The following FAM200B variants were observed in gnomAD, a reference collection of about 807,000 sequenced individuals.
FAM200B encodes the protein zinc finger BED-type containing 11.
A neutral mutation model predicts 33.1 loss-of-function variants in FAM200B; 32 were observed. The ratio of observed to expected loss-of-function variants is 0.97; its 90% CI spans 0.73 to 1.30. The LOEUF is 1.30. FAM200B is among the 50% of genes most tolerant of loss of function. The pLI is 0.00. For synonymous variants in FAM200B, 240 were observed against 264.8 expected (o/e 0.91, Z 0.91); for missense variants, 741 against 754.0 (o/e 0.98, Z 0.20).
rs1185280744 is a variant in FAM200B at position 15,687,983 on chromosome 4, A to G, written c.1006A>G (p.Arg336Gly). The change falls in exon 2 of 2, where the codon AGA becomes GGA. Residue 336 changes from arginine to glycine, a missense_variant. By Grantham distance (125) the Arg-to-Gly change is moderately radical. Transcript: ENST00000422728. ...CFIHREGLASREIPQNLMEVL... is the reference protein window; with the variant it reads ...CFIHREGLASGEIPQNLMEVL... ...TATACATCGTGAAGGTTTAGCATCC[A>G]GAGAAATTCCACAGAATCTCATGGA... is the stretch of plus-strand genomic sequence containing the variant. 1.9e-6 allele frequency: 3 copies of G among 1,551,294 alleles called. No individual in the cohort carries two copies. In the Admixed American group the frequency reaches 5.9e-5, roughly 30 times the overall value.
chr4:15,646,297 A>G, the FAM200B span, among the ~76,000 whole-genome samples: 2 of 152,152 alleles, frequency 1.3e-5, no homozygotes, highest in Non-Finnish European at 2.9e-5. Flanking sequence ...TAAAAATGTA[A>G]AAGTGATGCT....
chr4:15,674,209 T>C, the FAM200B span, among the ~76,000 whole-genome samples: 1 of 152,020 alleles, frequency 6.6e-6, no homozygotes, highest in African/African-American at 2.4e-5. Context: ...ATCGTGTTTT[T>C]TTTTTTTTTT....
the FAM200B span, among the ~76,000 whole-genome samples, chr4:15,647,243 A>AC: frequency 7.6e-6 from 1 of 131,042 alleles, no homozygotes; most frequent in Non-Finnish European, 1.6e-5. Flanking sequence ...AAAAAAAAAA[A>AC]GAAAGAAAAT....
At chr4:15,637,198 C>A in the FAM200B span, among the ~76,000 whole-genome samples, 41 of 152,266 alleles carry the variant, frequency 2.7e-4, 1 homozygote, top group Non-Finnish European at 4.7e-4. Flanking sequence ...ATCTGACTGC[C>A]TTAACCTAGA....
chr4:15,652,802 A>G, the FAM200B span, among the ~76,000 whole-genome samples: 2 of 152,330 alleles, frequency 1.3e-5, no homozygotes, highest in East Asian at 3.9e-4. Context: ...TCAGAGCCCA[A>G]ATTTGTACAG....
chr4:15,655,531 T>A, the FAM200B span: 1 of 269,516 alleles, frequency 3.7e-6, no homozygotes, highest in Non-Finnish European at 5.7e-6. Context: ...ACTCTTTTCG[T>A]TTTTTGTCGT....
At chr4:15,646,800 GT>G in the FAM200B span, among the ~76,000 whole-genome samples, 2 of 150,546 alleles carry the variant, frequency 1.3e-5, no homozygotes, top group East Asian at 2.0e-4. Context: ...GCGGTGTTTG[GT>G]TTTTTTGTCC....
At chr4:15,641,513 C>A in the FAM200B span, 1 of 384,170 alleles carries the variant, frequency 2.6e-6, no homozygotes, top group African/African-American at 2.4e-5. Flanking sequence ...ACATTCTTTT[C>A]TCTAGCTTAC....
At chr4:15,680,604 A>G (rs1718194935), upstream of FAM200B, among the ~76,000 whole-genome samples, 1 of 152,062 alleles carries the variant, frequency 6.6e-6, no homozygotes, top group Admixed American at 6.6e-5. Flanking sequence ...TTGAACCAGG[A>G]GGCTGAGGTT....
chr4:15,646,720 G>A, the FAM200B span, among the ~76,000 whole-genome samples: 5 of 100,390 alleles, frequency 5.0e-5, no homozygotes, highest in East Asian at 5.4e-4. Flanking sequence ...AACAGGCCCC[G>A]GTGTGTGATG....
chr4:15,687,451 A>G lies in FAM200B; in HGVS notation c.474A>G (p.Ala158=). The change falls in exon 2 of 2, where the codon GCA becomes GCG. Residue 158 remains alanine, a synonymous_variant. Transcript: ENST00000422728. ...CATATTTAGTTGCATATCGTGTGGCAAAAGAGAAAATAGCTAACACAGCTG... is the reference window on the plus strand; with the variant it reads ...CATATTTAGTTGCATATCGTGTGGCGAAAGAGAAAATAGCTAACACAGCTG... ...LSSYLVAYRV[A]KEKIANTAAE... The G allele has an allele frequency of 1.9e-6, 3 of 1,551,192 alleles. No homozygotes were observed. The highest frequency in any genetic ancestry group is 2.6e-6 in the Non-Finnish European group (3 of 1,146,710).
upstream of FAM200B, among the ~76,000 whole-genome samples, chr4:15,678,770 A>G (rs1718087369): frequency 6.6e-6 from 1 of 152,230 alleles, no homozygotes. Flanking sequence ...AATATTTATA[A>G]GGTCATTTTG....
chr4:15,645,706 T>C, the FAM200B span, among the ~76,000 whole-genome samples: 96,208 of 152,062 alleles, frequency 0.63, 30,549 homozygotes, highest in Non-Finnish European at 0.65. Flanking sequence ...GGATTACAGG[T>C]ATAAGCTACC....
chr4:15,664,120 C>T, the FAM200B span, among the ~76,000 whole-genome samples: 1 of 152,198 alleles, frequency 6.6e-6, no homozygotes, highest in Non-Finnish European at 1.5e-5. Context: ...TTTTAGGTAA[C>T]ACACAATACT....
In FAM200B at chr4:15,687,486, T is replaced by G. The variant is rs1718976072; in HGVS notation, c.509T>G (p.Ile170Ser). 1 of 1,551,134 alleles carries G rather than the reference T, an allele frequency of 6.4e-7. No homozygotes were observed. The highest frequency in any genetic ancestry group is 8.7e-7 in the Non-Finnish European group (1 of 1,146,778). Residue 170 changes from isoleucine (I) to serine (S), a missense_variant, in exon 2 of 2, where the codon ATT becomes AGT. Ile to Ser is a moderately radical substitution (Grantham distance 142, BLOSUM62 -2). Coordinates refer to ENST00000422728, the MANE Select transcript of FAM200B (RefSeq NM_001145191.2). The part of the protein sequence containing the change: ...EKIANTAAEK[I>S]ILPACLDMVR... ...ATAGCTAACACAGCTGCTGAAAAAA[T>G]TATTCTTCCAGCATGTTTGGATATG... is the stretch of plus-strand genomic sequence containing the variant.
chr4:15,640,980 G>GA, the FAM200B span: 859 of 546,276 alleles, frequency 1.6e-3, no homozygotes, highest in South Asian at 2.1e-3. Flanking sequence ...AACCTCCGGG[G>GA]AAAAAAAAAT....
the FAM200B span, among the ~76,000 whole-genome samples, chr4:15,661,739 C>T: frequency 6.6e-6 from 1 of 152,086 alleles, no homozygotes; most frequent in African/African-American, 2.4e-5. Flanking sequence ...TTTATTATTT[C>T]AGTTTTTAAG....
chr4:15,653,315 T>C, the FAM200B span, among the ~76,000 whole-genome samples: 1 of 152,186 alleles, frequency 6.6e-6, no homozygotes, highest in Admixed American at 6.5e-5. Context: ...CTCAGATATC[T>C]TGTAAAAAAG....
At chr4:15,647,969 GGCCTCA>G in the FAM200B span, among the ~76,000 whole-genome samples, 4 of 152,114 alleles carry the variant, frequency 2.6e-5, no homozygotes, top group Non-Finnish European at 5.9e-5. Context: ...TCCTCCTGCT[GGCCTCA>G]GCCTTCCGAA....
Sources: gnomAD v4.1 joint callset for allele counts (sites outside exome capture counted in the v4.1 genomes callset) on GRCh38, gnomAD v4.1.1 for gene constraint, MANE v1.5 for transcripts, NCBI Gene and HGNC (gene_info 2026-07-23, HGNC 2026-07-21) for gene names.